The following PDE9A variants were observed in gnomAD, a reference collection of about 807,000 sequenced individuals.
PDE9A encodes the protein high affinity cGMP-specific 3',5'-cyclic phosphodiesterase 9A.
In PDE9A, 60 loss-of-function variants were observed where a neutral mutation model predicts 87.4. That is an observed-to-expected ratio of 0.69 (90% CI 0.56 to 0.85). The LOEUF (loss-of-function observed/expected upper bound fraction) is 0.85. PDE9A is among the 40% of genes least tolerant of loss of function. PDE9A has a pLI of 0.00. For synonymous variants in PDE9A, 272 were observed against 279.4 expected, an observed-to-expected ratio of 0.97 and a Z score of 0.27; for missense variants, 665 against 779.0, an observed-to-expected ratio of 0.85 and a Z score of 1.74.
At chr21:42,730,430 T>TTTTTTTAA (rs1249619675) in intron 4 of PDE9A, among the ~76,000 whole-genome samples, 1 of 152,170 alleles carries the variant, frequency 6.6e-6, no homozygotes, top group Non-Finnish European at 1.5e-5. Context: ...ACTGATTAGT[T>TTTTTTTAA]TTTTTTAATT....
intron 9 of PDE9A, among the ~76,000 whole-genome samples, chr21:42,753,584 T>C (rs2054659907): frequency 6.6e-6 from 1 of 151,498 alleles, no homozygotes. Context: ...CGGGAGAAGC[T>C]GGGTGCGGTG....
At position 42,714,620 on chromosome 21, in the gene PDE9A, G is replaced by C. The variant is rs62215420; in HGVS notation, c.262+15609G>C. ...GGGGTTAGCTCTACCAGTCTTTGTT[G>C]ATATGGTTGGGGTTAGCTCTACCAG... is the stretch of plus-strand genomic sequence containing the variant. On this transcript the variant is annotated intron_variant, in intron 4 of 19. Transcript: ENST00000291539. 8.3e-3 allele frequency among the ~76,000 whole-genome samples: 1,009 copies of C among 122,184 alleles called. 13 individuals carry two copies. Among genetic ancestry groups the C allele is most frequent in the South Asian group, 0.011 (46 of 4,000 alleles). The allele number at this position is 122,184 out of a possible 152,430, so 80.2% of individuals were successfully genotyped here.
chr21:42,690,336 A>G (rs2059744941), intron 3 of PDE9A, among the ~76,000 whole-genome samples: 1 of 151,758 alleles, frequency 6.6e-6, no homozygotes. Context: ...TGTGGATCTA[A>G]CCGGGTACAG....
chr21:42,672,577 C>G (rs764525750), intron 1 of PDE9A, among the ~76,000 whole-genome samples: 8 of 152,276 alleles, frequency 5.3e-5, no homozygotes, highest in Non-Finnish European at 1.2e-4. Flanking sequence ...AGGGCAGGTC[C>G]AGCTCAGTGC....
At chr21:42,673,075 G>A (rs2058651346) in intron 1 of PDE9A, among the ~76,000 whole-genome samples, 1 of 152,190 alleles carries the variant, frequency 6.6e-6, no homozygotes, top group South Asian at 2.1e-4. Context: ...GTAATGTGTA[G>A]CGGGCCCTCT....
Position 42,659,992 on chromosome 21 carries a change from G to C in PDE9A, c.69+6109G>C, listed in dbSNP as rs2057366044. ...TCAGTGCAGCAACTGGGACACCTCG[G>C]GGCATAAGCCGGGCAGGGAGGCGGC... is the stretch of plus-strand genomic sequence containing the variant. On this transcript the variant is annotated intron_variant, in intron 1 of 19. Coordinates refer to ENST00000291539, the MANE Select transcript of PDE9A (RefSeq NM_002606.3). This position sits in a 1 kb window ranked among gnomAD's most constrained non-coding sequence, Gnocchi z 4.1. 6.6e-6 allele frequency among the ~76,000 whole-genome samples: 1 copy of C among 152,220 alleles called. No individual in the cohort carries two copies. The highest frequency in any genetic ancestry group is 1.5e-5 in the Non-Finnish European group (1 of 68,028).
rs182019860 is a variant in PDE9A at position 42,686,966 on chromosome 21, A to C, written c.140+704A>C. On this transcript the variant is annotated intron_variant, in intron 2 of 19. Coordinates refer to ENST00000291539, the MANE Select transcript of PDE9A (RefSeq NM_002606.3). ...CTACCCAGGGGGCTTGACCCAGATCAACACTGGGTGAAAGGCTGACTTCAG... is the reference window on the plus strand; with the variant it reads ...CTACCCAGGGGGCTTGACCCAGATCCACACTGGGTGAAAGGCTGACTTCAG... Among the ~76,000 whole-genome samples the C allele has an allele frequency of 1.3e-3, 192 of 151,274 alleles. 1 individual carries two copies. Among genetic ancestry groups the C allele is most frequent in the African/African-American group, 4.4e-3 (181 of 41,174 alleles).
intron 1 of PDE9A, among the ~76,000 whole-genome samples, chr21:42,662,223 G>A (rs1472399955): frequency 1.3e-5 from 2 of 152,030 alleles, no homozygotes; most frequent in African/African-American, 2.4e-5. Context: ...AGACCCGGGC[G>A]CCACCCCCCC....
intron 18 of PDE9A, among the ~76,000 whole-genome samples, chr21:42,771,160 C>A (rs890693283): frequency 6.6e-6 from 1 of 152,182 alleles, no homozygotes; most frequent in Non-Finnish European, 1.5e-5. Flanking sequence ...CTGGCCTGGC[C>A]CCAGGGCTGA....
At chr21:42,762,047 G>C in intron 13 of PDE9A, 36 bp from the exon 14 acceptor site, 1 of 1,596,556 alleles carries the variant, frequency 6.3e-7, no homozygotes. Context: ...TGGTGAGGGC[G>C]CCTGAGTCTC....
At chr21:42,743,970 G>A in intron 8 of PDE9A, 110 bp downstream of exon 8, 9 of 703,812 alleles carry the variant, frequency 1.3e-5, no homozygotes, top group South Asian at 4.9e-5. Flanking sequence ...GGTGCAGTTC[G>A]GTACAGTTCA....
intron 4 of PDE9A, among the ~76,000 whole-genome samples, chr21:42,727,108 T>C (rs996911058): frequency 7.4e-5 from 11 of 147,824 alleles, no homozygotes; most frequent in African/African-American, 2.8e-4. Flanking sequence ...AAAGTCTTGC[T>C]AGGCTTTCAA....
intron 1 of PDE9A, among the ~76,000 whole-genome samples, chr21:42,682,641 C>G (rs538875093): frequency 6.6e-6 from 1 of 152,352 alleles, no homozygotes; most frequent in South Asian, 2.1e-4. Flanking sequence ...CTTCTCAAGG[C>G]CCCCACGATA....
rs1239910093 is a variant in PDE9A, at chr21:42,660,486, A to G, written c.69+6603A>G. On this transcript the variant is annotated intron_variant, in intron 1 of 19. Transcript: ENST00000291539. The surrounding 1 kb of genome is among the most constrained non-coding windows in gnomAD (Gnocchi z 4.7). ...AGAAGAAAATGTTCTAAGAAAGTGC[A>G]CAGGGTGGTGGATGAAAGACCACGC... Among the ~76,000 whole-genome samples the G allele has an allele frequency of 6.6e-6, 1 of 152,158 alleles. No individual in the cohort carries two copies. The highest frequency in any genetic ancestry group is 1.5e-5 in the Non-Finnish European group (1 of 68,032).
intron 1 of PDE9A, among the ~76,000 whole-genome samples, chr21:42,674,721 A>G (rs952163504): frequency 1.3e-5 from 2 of 151,316 alleles, no homozygotes; most frequent in African/African-American, 4.9e-5. Flanking sequence ...CCTCTCTCCT[A>G]CCCCCAGACA....
At position 42,665,927 on chromosome 21, in the gene PDE9A, G is replaced by A. The variant is rs774715963; in HGVS notation, c.69+12044G>A. ...CTGATGCTCCCCTGGGCACCTCTGCGCCATGAGGCCCCGTTGAAGTCAGTT... is the reference window on the plus strand; with the variant it reads ...CTGATGCTCCCCTGGGCACCTCTGCACCATGAGGCCCCGTTGAAGTCAGTT... On this transcript the variant is annotated intron_variant, in intron 1 of 19. Transcript: ENST00000291539. 1.3e-4 allele frequency among the ~76,000 whole-genome samples: 20 copies of A among 152,208 alleles called. 1 individual carries two copies. Among genetic ancestry groups the A allele is most frequent in the Non-Finnish European group, 1.9e-4 (13 of 68,034 alleles).
rs2057413333 is a variant in PDE9A, at chr21:42,775,406, G to C, written c.*113G>C. The C allele has an allele frequency of 1.6e-5, 12 of 751,532 alleles. No homozygotes were observed. The highest frequency in any genetic ancestry group is 2.5e-5 in the Non-Finnish European group (12 of 484,634). The allele number at this position is 751,532 out of a possible 1,614,324, so 46.6% of individuals were successfully genotyped here. Reference sequence around the variant, plus strand: ...GGCACCACAAGACCATGTTTTCTAAGAACCATTTTGTTCACTGATACAAAA... The same window carrying C: ...GGCACCACAAGACCATGTTTTCTAACAACCATTTTGTTCACTGATACAAAA... On this transcript the variant is annotated 3_prime_UTR_variant, in exon 20 of 20. Transcript: ENST00000291539.
chr21:42,684,733 A>G (rs2059352920), intron 1 of PDE9A, among the ~76,000 whole-genome samples: 3 of 152,208 alleles, frequency 2.0e-5, no homozygotes, highest in Admixed American at 6.5e-5. Context: ...ACCAAGCTGC[A>G]TAGGCAGCCA....
intron 19 of PDE9A, among the ~76,000 whole-genome samples, chr21:42,773,903 G>A (rs1053571127): frequency 1.2e-4 from 18 of 151,292 alleles, no homozygotes; most frequent in African/African-American, 3.6e-4. Flanking sequence ...AGGAGATCGA[G>A]ACCATCCTGG....
Sources: gnomAD v4.1 joint callset for allele counts (sites outside exome capture counted in the v4.1 genomes callset) on GRCh38, gnomAD v4.1.1 for gene constraint, Gnocchi (gnomAD v3.1) non-coding constraint, MANE v1.5 for transcripts, NCBI Gene and HGNC (gene_info 2026-07-23, HGNC 2026-07-21) for gene names.